Variants in RP1 observed in about 807,000 individuals in gnomAD.
The protein encoded by RP1 is oxygen-regulated protein 1.
RP1 carries 16 observed loss-of-function variants against 14.8 expected under a neutral mutation model. The ratio of observed to expected loss-of-function variants is 1.08; its 90% confidence interval spans 0.73 to 1.65. The LOEUF (loss-of-function observed/expected upper bound fraction) is 1.65. Among genes scored for constraint, RP1 ranks in the 40% most tolerant of loss-of-function variants. The pLI is 0.00. For synonymous variants in RP1, 876 were observed against 883.6 expected (o/e 0.99, Z 0.15); for missense variants, 2,631 against 2,535.0 (o/e 1.04, Z -0.81).
intron 18 of RP1, among the ~76,000 whole-genome samples, chr8:54,737,954 G>A (rs1182155944): frequency 1.3e-5 from 2 of 151,966 alleles, no homozygotes; most frequent in African/African-American, 4.8e-5. Flanking sequence ...GGCTATTATT[G>A]AAGCCATTAA....
At chr8:54,834,235 T>C (rs1307720903) in intron 24 of RP1, among the ~76,000 whole-genome samples, 1 of 152,062 alleles carries the variant, frequency 6.6e-6, no homozygotes, top group Admixed American at 6.6e-5. Context: ...TTCAGAGGCA[T>C]CATAACTCTA....
intron 24 of RP1, among the ~76,000 whole-genome samples, chr8:54,808,441 T>A (rs1043041417): frequency 6.6e-6 from 1 of 152,206 alleles, no homozygotes; most frequent in Non-Finnish European, 1.5e-5. Context: ...AGATTTGCCA[T>A]CAGCCTGAGC....
At chr8:54,681,419 A>C (rs1807424735) in intron 12 of RP1, among the ~76,000 whole-genome samples, 1 of 152,094 alleles carries the variant, frequency 6.6e-6, no homozygotes, top group South Asian at 2.1e-4. Context: ...CAGGTACATT[A>C]AAAGAGAGAA....
chr8:54,615,490 G>A (rs1210626091), upstream of RP1, among the ~76,000 whole-genome samples: 2 of 152,196 alleles, frequency 1.3e-5, no homozygotes, highest in African/African-American at 4.8e-5. Flanking sequence ...GTGTGACAAA[G>A]TCCTGAAACA....
chr8:54,795,174 G>GT (rs1810551627), intron 24 of RP1, among the ~76,000 whole-genome samples: 2 of 152,118 alleles, frequency 1.3e-5, no homozygotes, highest in Middle Eastern at 6.8e-3. Flanking sequence ...ATGGAAAACA[G>GT]TAAGGAGAGG....
chr8:54,661,823 A>T (rs1190577160), intron 6 of RP1, among the ~76,000 whole-genome samples: 2 of 151,948 alleles, frequency 1.3e-5, no homozygotes, highest in Non-Finnish European at 2.9e-5. Context: ...GTTAGATTGG[A>T]TGATTTCTAT....
At chr8:54,846,385 T>G (rs958280208) in intron 25 of RP1, among the ~76,000 whole-genome samples, 4 of 152,158 alleles carry the variant, frequency 2.6e-5, no homozygotes, top group African/African-American at 9.7e-5. Context: ...CCTTTTTCCT[T>G]CTCCACAACT....
intron 1 of RP1, among the ~76,000 whole-genome samples, chr8:54,595,188 C>T (rs1434035416): frequency 1.4e-4 from 21 of 148,378 alleles, no homozygotes; most frequent in South Asian, 2.1e-4. Context: ...GGAGTGCAGT[C>T]GCGCGATCTC....
chr8:54,733,052 G>A (rs1375048958), intron 17 of RP1, among the ~76,000 whole-genome samples: 2 of 152,282 alleles, frequency 1.3e-5, no homozygotes, highest in Non-Finnish European at 2.9e-5. Context: ...GCTTAGGGTA[G>A]TGTGCAGCGC....
intron 28 of RP1, among the ~76,000 whole-genome samples, chr8:54,868,475 C>A (rs1335437490): frequency 6.6e-6 from 1 of 152,098 alleles, no homozygotes; most frequent in Non-Finnish European, 1.5e-5. Flanking sequence ...CCATAGATAA[C>A]ATTTAGTTTC....
chr8:54,783,556 G>T (rs1810241033), exon 24 of RP1: 5 of 1,230,830 alleles, frequency 4.1e-6, no homozygotes, highest in Non-Finnish European at 5.1e-6. Flanking sequence ...GATGGAGACT[G>T]GAAGGTGACC....
exon 8 of RP1, chr8:54,673,864 C>T: frequency 6.5e-7 from 1 of 1,535,566 alleles, no homozygotes; most frequent in Non-Finnish European, 8.7e-7. Flanking sequence ...ACACCTTTTT[C>T]CTGGAGGCTG....
intron 18 of RP1, among the ~76,000 whole-genome samples, chr8:54,737,382 A>G (rs893907311): frequency 6.6e-6 from 1 of 152,216 alleles, no homozygotes; most frequent in Non-Finnish European, 1.5e-5. Context: ...CAGACTGTTC[A>G]GATATCCCTT....
chr8:54,663,635 G>C, intron 6 of RP1: 2 of 1,364,556 alleles, frequency 1.5e-6, no homozygotes, highest in Non-Finnish European at 1.9e-6. Context: ...GGAGATTTCT[G>C]TATGTAATTT....
intron 23 of RP1, among the ~76,000 whole-genome samples, chr8:54,781,472 C>A (rs77562501): frequency 1.3e-5 from 2 of 151,630 alleles, no homozygotes; most frequent in African/African-American, 4.8e-5. Flanking sequence ...ATTTTTTTGG[C>A]GAAAAAAGTT....
intron 1 of RP1, among the ~76,000 whole-genome samples, chr8:54,594,564 A>G (rs1805098805): frequency 2.0e-5 from 3 of 152,254 alleles, no homozygotes; most frequent in South Asian, 4.1e-4. Context: ...AATCATTTTT[A>G]CAATAAAACA....
At chr8:54,571,034 C>T (rs1367494561) in intron 1 of RP1, among the ~76,000 whole-genome samples, 1 of 152,222 alleles carries the variant, frequency 6.6e-6, no homozygotes, top group East Asian at 1.9e-4. Context: ...ACAGGACACT[C>T]TTGCTCCTTC....
chr8:54,593,507 C>G (rs1227988131), intron 1 of RP1, among the ~76,000 whole-genome samples: 3 of 152,308 alleles, frequency 2.0e-5, no homozygotes, highest in South Asian at 4.1e-4. Context: ...CTTGCATAAG[C>G]TGGTCTGTTG....
intron 24 of RP1, among the ~76,000 whole-genome samples, chr8:54,806,905 G>A (rs559315337): frequency 6.6e-6 from 1 of 152,178 alleles, no homozygotes; most frequent in Non-Finnish European, 1.5e-5. Flanking sequence ...AAAATAAGCT[G>A]AGAGTGCATC....
Sources: allele counts gnomAD v4.1 joint callset (sites outside exome capture counted in the v4.1 genomes callset), GRCh38; gene constraint gnomAD v4.1.1; transcripts MANE v1.5; gene names NCBI Gene and HGNC (gene_info 2026-07-23, HGNC 2026-07-21).